GDA: variants seen among roughly 807,000 people sequenced by gnomAD.
GDA encodes cytoplasmic PSD-95 interactor.
Under a neutral mutation model 59.6 loss-of-function variants are expected in GDA, and 18 were observed. That is an observed-to-expected ratio of 0.30 (90% CI 0.21 to 0.45). The LOEUF (loss-of-function observed/expected upper bound fraction) is 0.45, where lower values mean the gene tolerates loss of function less well. Among genes scored for constraint, GDA ranks in the 20% least tolerant of loss-of-function variants. GDA has a pLI of 1.00. For synonymous variants in GDA, 201 were observed against 201.1 expected, an observed-to-expected ratio of 1.00 and a Z score of 0.00; for missense variants, 427 against 552.3, an observed-to-expected ratio of 0.77 and a Z score of 2.27.
intron 1 of GDA, among the ~76,000 whole-genome samples, chr9:72,174,543 G>A (rs1830334758): frequency 6.6e-6 from 1 of 152,162 alleles, no homozygotes; most frequent in Non-Finnish European, 1.5e-5. Context: ...TGGATTTTGT[G>A]TATGGAACCA....
intron 1 of GDA, among the ~76,000 whole-genome samples, chr9:72,154,280 G>A (rs1827624495): frequency 6.6e-6 from 1 of 152,156 alleles, no homozygotes; most frequent in South Asian, 2.1e-4. Context: ...TAACCTGCCT[G>A]AGCCTCCGTT....
At chr9:72,223,605 C>A (rs530569809) in intron 7 of GDA, among the ~76,000 whole-genome samples, 87 of 152,222 alleles carry the variant, frequency 5.7e-4, no homozygotes, top group African/African-American at 2.1e-3. Flanking sequence ...GTGTTCTGTA[C>A]CTTCATTCTT....
At chr9:72,240,631 A>C (rs1839507593) in intron 10 of GDA, among the ~76,000 whole-genome samples, 1 of 152,296 alleles carries the variant, frequency 6.6e-6, no homozygotes, top group East Asian at 1.9e-4. Context: ...TGGGTCCTAA[A>C]TCCAGTGATC....
At chr9:72,215,884 A>G (rs544830347) in intron 5 of GDA, among the ~76,000 whole-genome samples, 3 of 152,352 alleles carry the variant, frequency 2.0e-5, no homozygotes, top group Admixed American at 1.3e-4. Flanking sequence ...TTGCAGGTAA[A>G]TGTTCATAGT....
Position 72,225,630 on chromosome 9 carries a change from A to T in GDA, c.715-47A>T, listed in dbSNP as rs758777984. ...TTTGAGGTAGGAAGTGTAATTTCTA[A>T]TGGTATTTTACAGAAGAAAAATGAA... is the stretch of plus-strand genomic sequence containing the variant. On this transcript the variant is annotated intron_variant, in intron 7 of 13. Coordinates refer to ENST00000358399, the MANE Select transcript of GDA (RefSeq NM_004293.5). 4.5e-6 allele frequency: 4 copies of T among 892,674 alleles called. No individual in the cohort carries two copies. The African/African-American group carries it at 5.0e-5, about 11-fold the overall frequency. 55.3% of individuals were successfully genotyped at this position (892,674 alleles called of 1,614,324 possible).
downstream of GDA, among the ~76,000 whole-genome samples, chr9:72,254,624 G>A (rs1345657801): frequency 6.6e-6 from 1 of 152,132 alleles, no homozygotes; most frequent in African/African-American, 2.4e-5. Flanking sequence ...CCTGGAAGAT[G>A]GTTATTTGGT....
chr9:72,193,751 G>A (rs1832833123), intron 1 of GDA: 1 of 152,298 alleles, frequency 6.6e-6, no homozygotes, highest in African/African-American at 2.4e-5. Flanking sequence ...GCAGTTCCCT[G>A]GCAGTTCTAG....
At chr9:72,135,298 G>A (rs567473110) in intron 1 of GDA, among the ~76,000 whole-genome samples, 11 of 151,894 alleles carry the variant, frequency 7.2e-5, no homozygotes, top group African/African-American at 2.7e-4. Context: ...ATAAAAAATA[G>A]CAATAATATT....
intron 10 of GDA, among the ~76,000 whole-genome samples, chr9:72,237,109 T>A (rs1169970989): frequency 3.9e-5 from 6 of 152,070 alleles, no homozygotes; most frequent in Admixed American, 3.3e-4. Context: ...GACATCCCCC[T>A]CATGCTCCTG....
At chr9:72,157,548 C>T (rs528762628) in intron 1 of GDA, among the ~76,000 whole-genome samples, 2 of 152,326 alleles carry the variant, frequency 1.3e-5, no homozygotes, top group East Asian at 1.9e-4. Context: ...GCCAATTTTC[C>T]TCTGGGATTT....
At chr9:72,151,771 T>C (rs1827239341) in intron 1 of GDA, among the ~76,000 whole-genome samples, 1 of 151,916 alleles carries the variant, frequency 6.6e-6, no homozygotes. Context: ...GCCCCACTGA[T>C]TTTTTTGTAT....
chr9:72,132,689 G>A (rs1021431803), intron 1 of GDA, among the ~76,000 whole-genome samples: 1 of 152,148 alleles, frequency 6.6e-6, no homozygotes, highest in Non-Finnish European at 1.5e-5. Flanking sequence ...CAGAAACACT[G>A]AGAGACTCCC....
At chr9:72,122,809 T>C (rs1311968779) in intron 1 of GDA, among the ~76,000 whole-genome samples, 1 of 152,138 alleles carries the variant, frequency 6.6e-6, no homozygotes, top group Non-Finnish European at 1.5e-5. Context: ...TTCTATCATT[T>C]CCCTTTTTTG....
intron 1 of GDA, among the ~76,000 whole-genome samples, chr9:72,190,965 A>G (rs1832467924): frequency 6.6e-6 from 1 of 152,160 alleles, no homozygotes; most frequent in South Asian, 2.1e-4. Flanking sequence ...CTTATTTTCC[A>G]TTTTTATAGA....
At chr9:72,223,067 A>AT in intron 6 of GDA, 53 bp from the exon 7 acceptor site, 1 of 927,526 alleles carries the variant, frequency 1.1e-6, no homozygotes, top group Non-Finnish European at 1.7e-6. Context: ...TCTTGAGTTA[A>AT]TTTTTGTATA....
In GDA at chr9:72,134,894, A is replaced by G. The variant is rs558902528; in HGVS notation, c.-100+20061A>G. ...GAACTGTTAGTACAGAGCTGACTCC[A>G]GTCAACCAAGCTCCTTTGGGCAAAT... is the stretch of plus-strand genomic sequence containing the variant. On this transcript the variant is annotated intron_variant, in intron 1 of 13. Transcript: ENST00000545168. Among the ~76,000 whole-genome samples the G allele has an allele frequency of 2.0e-5, 3 of 152,364 alleles. No homozygotes were observed. The South Asian group carries it at 6.2e-4, about 32-fold the overall frequency.
At chr9:72,192,155 A>G (rs1395062707) in intron 1 of GDA, among the ~76,000 whole-genome samples, 1 of 145,988 alleles carries the variant, frequency 6.8e-6, no homozygotes, top group East Asian at 2.0e-4. Flanking sequence ...TTTAGATCCT[A>G]TAGGCTTGCT....
chr9:72,215,570 G>C (rs1836003939), intron 5 of GDA, among the ~76,000 whole-genome samples: 1 of 152,160 alleles, frequency 6.6e-6, no homozygotes, highest in Admixed American at 6.6e-5. Context: ...AGGCATACAG[G>C]AGGGAAGATG....
chr9:72,239,019 T>C (rs11143193), intron 10 of GDA, among the ~76,000 whole-genome samples: 66,224 of 152,042 alleles, frequency 0.44, 14,569 homozygotes, highest in East Asian at 0.55. Context: ...GTGATTTCTC[T>C]TTCTATCCTA....
Sources: allele counts gnomAD v4.1 joint callset (sites outside exome capture counted in the v4.1 genomes callset), GRCh38; gene constraint gnomAD v4.1.1; transcripts MANE v1.5; gene names NCBI Gene and HGNC (gene_info 2026-07-23, HGNC 2026-07-21).